ADGRL3: variants seen among roughly 807,000 people sequenced by gnomAD.
ADGRL3 encodes the protein adhesion G protein-coupled receptor L3.
Under a neutral mutation model 153.5 loss-of-function variants are expected in ADGRL3, and 62 were observed. The observed-to-expected ratio is 0.40, with a 90% CI of 0.33 to 0.50. The LOEUF is 0.50. Ranked by LOEUF, ADGRL3 falls within the 20% of genes least tolerant of loss-of-function variation. The probability of loss-of-function intolerance (pLI) is 0.47; values close to 1 mark genes in which losing one functional copy is unlikely to be tolerated. For synonymous variants in ADGRL3, 710 were observed against 672.5 expected (o/e 1.06, Z -0.86); for missense variants, 1,641 against 1,859.4 (o/e 0.88, Z 2.16).
intron 6 of ADGRL3, among the ~76,000 whole-genome samples, chr4:61,697,743 T>C: frequency 6.6e-6 from 1 of 151,812 alleles, no homozygotes; most frequent in East Asian, 1.9e-4. Context: ...GTATAGGAGG[T>C]GTAAGTGGCA....
intron 5 of ADGRL3, among the ~76,000 whole-genome samples, chr4:61,626,272 T>A (rs1037558193): frequency 1.3e-5 from 2 of 152,078 alleles, no homozygotes; most frequent in Middle Eastern, 3.2e-3. Flanking sequence ...TAAATATCCA[T>A]TTATTTGGAT....
intron 1 of ADGRL3, among the ~76,000 whole-genome samples, chr4:61,285,249 A>G (rs1254984805): frequency 6.6e-6 from 1 of 151,902 alleles, no homozygotes; most frequent in African/African-American, 2.4e-5. Flanking sequence ...AAATTAAATT[A>G]TAGATTTAGC....
At chr4:61,642,469 G>T (rs1409261704) in intron 5 of ADGRL3, among the ~76,000 whole-genome samples, 2 of 152,126 alleles carry the variant, frequency 1.3e-5, no homozygotes, top group East Asian at 1.9e-4. Context: ...TTTGTATAAG[G>T]TGTAAGGAAG....
chr4:61,533,699 A>G (rs2098637448), intron 4 of ADGRL3, among the ~76,000 whole-genome samples: 1 of 152,030 alleles, frequency 6.6e-6, no homozygotes. Flanking sequence ...ACATGGAGTA[A>G]TTTTCTAATA....
At chr4:61,480,960 C>G (rs2098126144) in intron 2 of ADGRL3, among the ~76,000 whole-genome samples, 1 of 152,018 alleles carries the variant, frequency 6.6e-6, no homozygotes, top group African/African-American at 2.4e-5. Flanking sequence ...GCCAATCACT[C>G]TAAAAGACAT....
chr4:61,679,115 T>A (rs537815619), intron 6 of ADGRL3, among the ~76,000 whole-genome samples: 2 of 152,176 alleles, frequency 1.3e-5, no homozygotes, highest in Non-Finnish European at 2.9e-5. Flanking sequence ...AGCACCAGCA[T>A]CTACTCGGCT....
At chr4:61,659,907 A>AT (rs2094544833) in intron 5 of ADGRL3, among the ~76,000 whole-genome samples, 1 of 151,150 alleles carries the variant, frequency 6.6e-6, no homozygotes, top group Non-Finnish European at 1.5e-5. Flanking sequence ...CAAAAAAAAA[A>AT]AAAAAAAAAG....
chr4:62,058,864 T>A (rs1738501967), intron 25 of ADGRL3, among the ~76,000 whole-genome samples: 1 of 152,150 alleles, frequency 6.6e-6, no homozygotes, highest in African/African-American at 2.4e-5. Flanking sequence ...TAAAAGTGAC[T>A]TAAGTCACCT....
Position 61,817,741 on chromosome 4 carries a change from T to A in ADGRL3, c.1480+3852T>A, listed in dbSNP as rs116534341. On this transcript the variant is annotated intron_variant, in intron 9 of 26. Coordinates refer to ENST00000683033, the MANE Select transcript of ADGRL3 (RefSeq NM_001387552.1). ...GAGGGCTCACAATCATGGTAGAAGG[T>A]GAAAGGCATATCTTATGTGGTAGCA... Among the ~76,000 whole-genome samples, 1,192 of 152,224 alleles carry A rather than the reference T, an allele frequency of 7.8e-3. 13 individuals carry two copies. Among genetic ancestry groups the A allele is most frequent in the African/African-American group, 0.024 (1,013 of 41,534 alleles).
intron 1 of ADGRL3, among the ~76,000 whole-genome samples, chr4:61,264,780 G>T (rs142452641): frequency 6.6e-6 from 1 of 151,884 alleles, no homozygotes; most frequent in African/African-American, 2.4e-5. Context: ...TATCTCTTGT[G>T]CTCTACACAG....
chr4:61,818,998 A>T (rs73823243), intron 9 of ADGRL3, among the ~76,000 whole-genome samples: 8,173 of 152,276 alleles, frequency 0.054, 372 homozygotes, highest in African/African-American at 0.12. Context: ...AATATTAGAA[A>T]TGAGGTAGAG....
At chr4:61,559,576 C>T (rs1469899200) in intron 4 of ADGRL3, among the ~76,000 whole-genome samples, 1 of 152,022 alleles carries the variant, frequency 6.6e-6, no homozygotes. Context: ...TAGGTTTTTC[C>T]AGCACAAATG....
In ADGRL3 at chr4:62,074,678, A is replaced by AG. The variant is rs1223147012; in HGVS notation, c.*3773dup. ...GAAAATATCTAACAAAAAGCACGTAAGGGAAATATCCTTAACTTCCTGTAA... is the reference window on the plus strand; with the variant it reads ...GAAAATATCTAACAAAAAGCACGTAAGGGGAAATATCCTTAACTTCCTGTAA... On this transcript the variant is annotated 3_prime_UTR_variant, in exon 27 of 27. Coordinates refer to ENST00000683033, the MANE Select transcript of ADGRL3 (RefSeq NM_001387552.1). The AG allele has an allele frequency of 6.6e-6, 1 of 152,198 alleles. No homozygotes were observed. 9.4% of individuals were successfully genotyped at this position (152,198 alleles called of 1,614,324 possible). A position where few individuals can be genotyped will look rare whatever the true frequency, so the allele number is the denominator to read the frequency against.
intron 1 of ADGRL3, among the ~76,000 whole-genome samples, chr4:61,207,451 A>G (rs1235899517): frequency 6.6e-6 from 1 of 152,164 alleles, no homozygotes; most frequent in South Asian, 2.1e-4. Context: ...TCTATCATTG[A>G]TTGGCATTTG....
chr4:61,812,897 GT>G (rs202207334), intron 8 of ADGRL3, among the ~76,000 whole-genome samples: 1 of 152,012 alleles, frequency 6.6e-6, no homozygotes, highest in Non-Finnish European at 1.5e-5. Context: ...GTGGTTAGTT[GT>G]TTTTTTCATT....
chr4:61,251,435 T>TTCAGATG (rs1759220129), intron 1 of ADGRL3, among the ~76,000 whole-genome samples: 1 of 152,182 alleles, frequency 6.6e-6, no homozygotes, highest in Non-Finnish European at 1.5e-5. Context: ...ATGACCTCAC[T>TTCAGATG]TCAGATGTCA....
At chr4:61,919,082 C>T (rs936547520) in intron 13 of ADGRL3, among the ~76,000 whole-genome samples, 5 of 152,106 alleles carry the variant, frequency 3.3e-5, no homozygotes, top group South Asian at 2.1e-4. Context: ...ATGATTTGTG[C>T]GTTGCTTGAC....
At chr4:61,821,828 C>G (rs376250081) in intron 9 of ADGRL3, among the ~76,000 whole-genome samples, 12 of 152,284 alleles carry the variant, frequency 7.9e-5, no homozygotes, top group Middle Eastern at 6.8e-3. Context: ...AATCCACTCA[C>G]TGAAAATATT....
chr4:61,396,978 C>T (rs950883264), intron 2 of ADGRL3, among the ~76,000 whole-genome samples: 1 of 149,938 alleles, frequency 6.7e-6, no homozygotes, highest in African/African-American at 2.5e-5. Context: ...ATTATTCCTG[C>T]TGAATGAGAC....
Sources: allele counts gnomAD v4.1 joint callset (sites outside exome capture counted in the v4.1 genomes callset), GRCh38; gene constraint gnomAD v4.1.1; transcripts MANE v1.5; gene names NCBI Gene and HGNC (gene_info 2026-07-23, HGNC 2026-07-21).